ZFP28: variants seen among roughly 807,000 people sequenced by gnomAD.
ZFP28 encodes the protein ZFP28 zinc finger protein, also known as zinc finger protein 28 homolog.
ZFP28 carries 31 observed loss-of-function variants against 39.5 expected under a neutral mutation model. The observed-to-expected ratio is 0.79, with a 90% CI of 0.59 to 1.06. The LOEUF (loss-of-function observed/expected upper bound fraction) is 1.06. ZFP28 is among the 50% of genes least tolerant of loss of function. The pLI is 0.00. For synonymous variants in ZFP28, 400 were observed against 378.6 expected, an observed-to-expected ratio of 1.06 and a Z score of -0.66; for missense variants, 925 against 1,048.4, an observed-to-expected ratio of 0.88 and a Z score of 1.63.
At position 56,547,735 on chromosome 19, in the gene ZFP28, G is replaced by C; in HGVS notation, c.428-72G>C. ...ACCCAGACCTGCACTGCCCTCTTGC[G>C]TCAAGCCAAGGGGACTGCATCTCAG... On this transcript the variant is annotated intron_variant, in intron 3 of 7. Coordinates refer to ENST00000301318, the MANE Select transcript of ZFP28 (RefSeq NM_020828.2). This position sits in a 1 kb window ranked among gnomAD's most constrained non-coding sequence, Gnocchi z 4.6. 1 of 1,600,956 alleles carries C rather than the reference G, an allele frequency of 6.2e-7. No individual in the cohort carries two copies. Among genetic ancestry groups the C allele is most frequent in the Admixed American group, 1.7e-5 (1 of 59,216 alleles).
rs775027049 is a variant in ZFP28 at position 56,550,119 on chromosome 19, C to T, written c.740C>T (p.Pro247Leu). 13 of 1,613,396 alleles carry T rather than the reference C, an allele frequency of 8.1e-6. No individual in the cohort carries two copies. In the South Asian group the frequency reaches 1.4e-4, roughly 18 times the overall value. The change falls in exon 6 of 8, where the codon CCA becomes CTA. Residue 247 changes from proline (P) to leucine (L), a missense_variant. Pro to Leu is a moderately conservative substitution (Grantham distance 98). Transcript: ENST00000301318. Reference protein sequence around the residue: ...LAVDFRQQLHPAQKNFCKNGI... With the variant: ...LAVDFRQQLHLAQKNFCKNGI... The stretch of plus-strand genomic sequence containing the variant: ...GTTGACTTCCGCCAGCAGCTACACC[C>T]AGCTCAGAAGAATTTCTGTAAGAAT...
chr19:56,550,653 G>A lies in ZFP28; in HGVS notation c.898+48G>A, dbSNP rs112716644. On this transcript the variant is annotated intron_variant, in intron 7 of 7. Transcript: ENST00000301318. ...TGGAAAATCTACTGCAAGAGAGAGC[G>A]GAGCTTTTACCAAAAAGGCTGCATC... is the stretch of plus-strand genomic sequence containing the variant. The A allele has an allele frequency of 4.2e-5, 68 of 1,610,706 alleles. No individual in the cohort carries two copies. The South Asian group carries it at 4.7e-4, about 11-fold the overall frequency.
intron 7 of ZFP28, chr19:56,551,419 T>G: frequency 1.0e-6 from 1 of 985,654 alleles, no homozygotes; most frequent in African/African-American, 1.7e-5. Context: ...GAAATTACAG[T>G]GTATATTCAG....
At chr19:56,545,500 GGTTT>G (rs1368002266) in intron 2 of ZFP28, 2 of 152,158 alleles carry the variant, frequency 1.3e-5, no homozygotes, top group Admixed American at 6.5e-5. Flanking sequence ...TTGGTGTTGT[GGTTT>G]GTTAAGTGAG....
upstream of ZFP28, among the ~76,000 whole-genome samples, chr19:56,537,293 A>G (rs1258120925): frequency 6.7e-6 from 1 of 149,938 alleles, no homozygotes; most frequent in Middle Eastern, 3.2e-3. Flanking sequence ...CAGCTGTTCT[A>G]CCTGTTGACA....
chr19:56,546,237 A>T (rs185802261), intron 2 of ZFP28: 1 of 152,340 alleles, frequency 6.6e-6, no homozygotes, highest in African/African-American at 2.4e-5. Flanking sequence ...ACTGTTTCGC[A>T]TGTTCATTTC....
intron 2 of ZFP28, among the ~76,000 whole-genome samples, chr19:56,542,492 T>G (rs976408966): frequency 2.6e-5 from 4 of 152,324 alleles, no homozygotes; most frequent in Admixed American, 1.3e-4. Flanking sequence ...TGAAAAAATT[T>G]GCATATAGGT....
In ZFP28 at chr19:56,548,974, G is replaced by T. The variant is rs1193748468; in HGVS notation, c.540G>T (p.Trp180Cys). 1 of 1,613,476 alleles carries T rather than the reference G, an allele frequency of 6.2e-7. No homozygotes were observed. Among genetic ancestry groups the T allele is most frequent in the Non-Finnish European group, 8.5e-7 (1 of 1,179,824 alleles). The part of the protein sequence containing the change: ...RAWCPDLKAV[W>C]KIKELPLKKD... ...GTCTTTCAGACTTGAAGGCTGTGTGGAAGATCAAGGAGTTACCTCTCAAGA... is the reference window on the plus strand; with the variant it reads ...GTCTTTCAGACTTGAAGGCTGTGTGTAAGATCAAGGAGTTACCTCTCAAGA... Residue 180 changes from tryptophan to cysteine, a missense_variant, in exon 5 of 8, where the codon TGG becomes TGT. Around this residue, in one of 2 missense-constraint regions of ZFP28, gnomAD observed 556 missense variants for 542.9 expected, o/e 1.02. Coordinates refer to ENST00000301318, the MANE Select transcript of ZFP28 (RefSeq NM_020828.2).
At chr19:56,538,846 G>A (rs2044162778), upstream of ZFP28, 2 of 241,860 alleles carry the variant, frequency 8.3e-6, no homozygotes, top group East Asian at 2.5e-4. Context: ...GGGGAGGGGT[G>A]GGGAGGGGCG....
rs1178927832 is a variant in ZFP28, at chr19:56,553,949, A to G, written c.1164A>G (p.Ser388=). The G allele has an allele frequency of 6.2e-7, 1 of 1,613,238 alleles. No homozygotes were observed. Among genetic ancestry groups the G allele is most frequent in the Non-Finnish European group, 8.5e-7 (1 of 1,179,836 alleles). ...GAAGATGGTTCTATTTGGACGATTC[A>G]GAAGAGAAAGTTCATAATCGTGATT... The part of the protein sequence containing the change: ...KSGRWFYLDD[S]EEKVHNRDSI... Residue 388 remains serine, a synonymous_variant, in exon 8 of 8, where the codon TCA becomes TCG. Coordinates refer to ENST00000301318, the MANE Select transcript of ZFP28 (RefSeq NM_020828.2).
At chr19:56,551,889 T>C in intron 7 of ZFP28, 4 of 982,930 alleles carry the variant, frequency 4.1e-6, no homozygotes, top group Non-Finnish European at 4.8e-6. Context: ...ATACTAATTC[T>C]GTGATATATT....
chr19:56,538,939 T>A (rs1203057940), upstream of ZFP28: 6 of 1,106,176 alleles, frequency 5.4e-6, no homozygotes, highest in African/African-American at 4.9e-5. Flanking sequence ...GGCTGTTCGC[T>A]GGGCGTGGCG....
chr19:56,548,423 T>A (rs1397804836), intron 4 of ZFP28: 1 of 152,952 alleles, frequency 6.5e-6, no homozygotes, highest in Non-Finnish European at 1.5e-5. Flanking sequence ...AGACTTACAT[T>A]TTTAAGGCCA....
chr19:56,538,851 G>T (rs2044162923), upstream of ZFP28: 1 of 287,880 alleles, frequency 3.5e-6, no homozygotes, highest in Non-Finnish European at 5.5e-6. Flanking sequence ...GGGGTGGGGA[G>T]GGGCGGGGCG....
rs772552721 is a variant in ZFP28 at position 56,539,695 on chromosome 19, T to C, written c.279T>C (p.Ile93=). ...NKKLEAVGTG[I]EPKAMSQGLV... ...AGCTGGAGGCTGTGGGGACAGGAAT[T>C]GAACCTAAAGCCATGTCCCAGGTGA... The change falls in exon 2 of 8, where the codon ATT becomes ATC. Residue 93 remains isoleucine (I), a synonymous_variant. Coordinates refer to ENST00000301318, the MANE Select transcript of ZFP28 (RefSeq NM_020828.2). 5.6e-6 allele frequency: 9 copies of C among 1,614,158 alleles called. No individual in the cohort carries two copies. The highest frequency in any genetic ancestry group is 7.6e-6 in the Non-Finnish European group (9 of 1,179,996).
intron 7 of ZFP28, chr19:56,551,857 A>C: frequency 2.0e-6 from 2 of 982,246 alleles, no homozygotes; most frequent in Non-Finnish European, 2.4e-6. Context: ...TAACAGTCTC[A>C]GTGACTGCTA....
At chr19:56,552,405 A>C (rs2044312150) in intron 7 of ZFP28, 1 of 152,134 alleles carries the variant, frequency 6.6e-6, no homozygotes, top group Admixed American at 6.5e-5. Flanking sequence ...TAGATGAAAA[A>C]TGTTTTATTT....
At position 56,555,263 on chromosome 19, in the gene ZFP28, T is replaced by G; in HGVS notation, c.2478T>G (p.Ala826=). ...KKSRKVFRQT[A]HLAHHQRIHT... The stretch of plus-strand genomic sequence containing the variant: ...GCAGAAAAGTCTTCAGGCAAACTGC[T>G]CACTTAGCTCATCATCAGCGAATTC... Residue 826 remains alanine (A), a synonymous_variant, in exon 8 of 8, where the codon GCT becomes GCG. Transcript: ENST00000301318. 6.2e-7 allele frequency: 1 copy of G among 1,614,154 alleles called. No individual in the cohort carries two copies. Among genetic ancestry groups the G allele is most frequent in the Non-Finnish European group, 8.5e-7 (1 of 1,180,036 alleles).
chr19:56,539,587 G>A, intron 1 of ZFP28, 38 bp from the exon 2 acceptor site: 1 of 1,563,274 alleles, frequency 6.4e-7, no homozygotes, highest in Non-Finnish European at 8.8e-7. Context: ...TGGGACTGTG[G>A]TGTAGACCTG....
Sources: gnomAD v4.1 joint callset for allele counts (sites outside exome capture counted in the v4.1 genomes callset) on GRCh38, gnomAD v4.1.1 for gene constraint, gnomAD v4.1.1 regional missense constraint, Gnocchi (gnomAD v3.1) non-coding constraint, MANE v1.5 for transcripts, NCBI Gene and HGNC (gene_info 2026-07-23, HGNC 2026-07-21) for gene names.